The following CDH11 variants were observed in gnomAD, a reference collection of about 807,000 sequenced individuals.
The protein encoded by CDH11 is cadherin 11, also known as cadherin-11.
Under a neutral mutation model 67.8 loss-of-function variants are expected in CDH11, and 11 were observed. That is an observed-to-expected ratio of 0.16 (90% CI 0.10 to 0.27). The LOEUF (loss-of-function observed/expected upper bound fraction) is 0.27. Among genes scored for constraint, CDH11 ranks in the 10% least tolerant of loss-of-function variants. The probability of loss-of-function intolerance (pLI) is 1.00; values close to 1 mark genes in which losing one functional copy is unlikely to be tolerated. For synonymous variants in CDH11, 419 were observed against 400.0 expected (o/e 1.05, Z -0.57); for missense variants, 847 against 1,031.2 (o/e 0.82, Z 2.45).
At chr16:65,054,093 G>T (rs1023475793) in intron 1 of CDH11, among the ~76,000 whole-genome samples, 165 bp from the exon 2 acceptor site, 1 of 152,152 alleles carries the variant, frequency 6.6e-6, no homozygotes, top group Non-Finnish European at 1.5e-5. Context: ...TGAAAAGTGG[G>T]AAAAACTTGT....
At position 64,945,930 on chromosome 16, in the gene CDH11, G is replaced by T; in HGVS notation, c.*1673C>A. The T allele has an allele frequency of 1.9e-6, 2 of 1,058,716 alleles. No individual in the cohort carries two copies. Among genetic ancestry groups the T allele is most frequent in the Non-Finnish European group, 2.3e-6 (2 of 875,212 alleles). The allele number at this position is 1,058,716 out of a possible 1,614,324, so 65.6% of individuals were successfully genotyped here. On this transcript the variant is annotated 3_prime_UTR_variant, in exon 13 of 13. Transcript: ENST00000268603. ...GAAAGAGGGAAAGCACTTGCAGTGT[G>T]ACTTTATGTGGTCTTTCCCCAAGTA...
In CDH11 at chr16:65,121,663, T is replaced by C. The variant is rs2075333208; in HGVS notation, c.-298+217A>G. ...ACATCTGAAGCCTCCGTCCCCTGCT[T>C]TGCCCGCGCCCACAGCTGGCTCCCT... On this transcript the variant is annotated intron_variant, in intron 1 of 12. Transcript: ENST00000268603. This position sits in a 1 kb window ranked among gnomAD's most constrained non-coding sequence, Gnocchi z 4.1. 6.6e-6 allele frequency among the ~76,000 whole-genome samples: 1 copy of C among 152,172 alleles called. No individual in the cohort carries two copies. Among genetic ancestry groups the C allele is most frequent in the Non-Finnish European group, 1.5e-5 (1 of 68,014 alleles).
intron 1 of CDH11, among the ~76,000 whole-genome samples, chr16:65,090,016 C>T (rs1365946290): frequency 6.6e-6 from 1 of 151,976 alleles, no homozygotes; most frequent in Non-Finnish European, 1.5e-5. Context: ...TTTTGGCTCC[C>T]CCTAAGTTGT....
chr16:64,991,503 G>A, intron 6 of CDH11: 1 of 416,554 alleles, frequency 2.4e-6, no homozygotes, highest in East Asian at 3.6e-5. Context: ...CTACTACCAA[G>A]CAAAATACTT....
At chr16:65,052,176 C>T (rs771054950) in intron 2 of CDH11, among the ~76,000 whole-genome samples, 1 of 152,126 alleles carries the variant, frequency 6.6e-6, no homozygotes, top group Non-Finnish European at 1.5e-5. Context: ...TATTCATTTG[C>T]TTAGTAAGTA....
upstream of CDH11, among the ~76,000 whole-genome samples, chr16:65,123,038 G>C (rs1275281244): frequency 6.6e-6 from 1 of 152,146 alleles, no homozygotes; most frequent in African/African-American, 2.4e-5. Context: ...CTGACGACTC[G>C]CTACCGTGAG....
At chr16:65,040,519 A>G (rs1234994459) in intron 2 of CDH11, among the ~76,000 whole-genome samples, 1 of 151,446 alleles carries the variant, frequency 6.6e-6, no homozygotes, top group East Asian at 2.0e-4. Flanking sequence ...GAACACATGG[A>G]CACAGGAAGG....
At chr16:64,979,124 A>G (rs999384654) in intron 8 of CDH11, among the ~76,000 whole-genome samples, 2 of 152,348 alleles carry the variant, frequency 1.3e-5, no homozygotes, top group East Asian at 1.9e-4. Flanking sequence ...TATTTCTCCC[A>G]AGAAGACATA....
upstream of CDH11, chr16:65,122,371 G>C: frequency 4.6e-6 from 1 of 217,288 alleles, no homozygotes; most frequent in Non-Finnish European, 9.2e-6. Context: ...AGTCTGGAGC[G>C]ACTGAAGTTG....
chr16:64,979,433 T>C (rs373160659), intron 8 of CDH11, among the ~76,000 whole-genome samples: 173 of 151,758 alleles, frequency 1.1e-3, no homozygotes, highest in African/African-American at 3.8e-3. Context: ...GGCGACAGAG[T>C]GAAACTATGT....
In CDH11 at chr16:64,946,340, C is replaced by G; in HGVS notation, c.*1263G>C. ...AATTTATATTTTTGACTCTAGTCCC[C>G]CAGTTCCCCAGTGCTCAGTGTGGGG... On this transcript the variant is annotated 3_prime_UTR_variant, in exon 13 of 13. Transcript: ENST00000268603. The G allele has an allele frequency of 1.9e-6, 2 of 1,038,696 alleles. No individual in the cohort carries two copies. Among genetic ancestry groups the G allele is most frequent in the Non-Finnish European group, 2.3e-6 (2 of 863,098 alleles). The allele number at this position is 1,038,696 out of a possible 1,614,324, so 64.3% of individuals were successfully genotyped here.
chr16:65,026,624 T>C (rs1349291226), intron 2 of CDH11, among the ~76,000 whole-genome samples: 1 of 152,146 alleles, frequency 6.6e-6, no homozygotes, highest in Admixed American at 6.5e-5. Context: ...GTTCCTGGAA[T>C]TTTTAGAGTA....
chr16:64,965,741 C>T (rs934321492), intron 11 of CDH11, among the ~76,000 whole-genome samples: 19 of 150,996 alleles, frequency 1.3e-4, no homozygotes, highest in African/African-American at 4.2e-4. Context: ...TGGTCTGCTG[C>T]TGTCCAAGAC....
intron 1 of CDH11, among the ~76,000 whole-genome samples, chr16:65,119,662 G>A (rs2075293472): frequency 6.6e-6 from 1 of 152,204 alleles, no homozygotes; most frequent in Non-Finnish European, 1.5e-5. Flanking sequence ...TCCCAGGGGT[G>A]AGGAGGGTGG....
chr16:65,060,994 C>T (rs1264163597), intron 1 of CDH11, among the ~76,000 whole-genome samples: 1 of 152,204 alleles, frequency 6.6e-6, no homozygotes, highest in East Asian at 1.9e-4. Flanking sequence ...CTGTGCTTCT[C>T]TGCATCTGAC....
At chr16:65,020,377 T>TG (rs1303869043) in intron 2 of CDH11, among the ~76,000 whole-genome samples, 1 of 152,240 alleles carries the variant, frequency 6.6e-6, no homozygotes, top group Non-Finnish European at 1.5e-5. Flanking sequence ...TTGCCCAGGC[T>TG]GAAGTGCAGT....
In CDH11 at chr16:65,054,278, C is replaced by T. The variant is rs1378379395; in HGVS notation, c.-297-350G>A. 2.0e-5 allele frequency among the ~76,000 whole-genome samples: 3 copies of T among 152,154 alleles called. No homozygotes were observed. In the East Asian group the frequency reaches 5.8e-4, roughly 29 times the overall value. ...TGGGGGAAGGTATGAAAACTTAGAG[C>T]CCATTTCTGATAGAACCTATGTTCC... On this transcript the variant is annotated intron_variant, in intron 1 of 12. Transcript: ENST00000268603.
At chr16:65,045,143 C>T (rs2073932943) in intron 2 of CDH11, among the ~76,000 whole-genome samples, 2 of 151,336 alleles carry the variant, frequency 1.3e-5, no homozygotes, top group Non-Finnish European at 1.5e-5. Context: ...TCACCATCCC[C>T]CTAGGTCCAT....
intron 3 of CDH11, among the ~76,000 whole-genome samples, chr16:65,001,777 C>G (rs1246233107): frequency 6.7e-6 from 1 of 150,052 alleles, no homozygotes; most frequent in African/African-American, 2.4e-5. Context: ...AGGCTCCACA[C>G]ACACACAGAC....
Sources: allele counts gnomAD v4.1 joint callset (sites outside exome capture counted in the v4.1 genomes callset), GRCh38; gene constraint gnomAD v4.1.1; non-coding constraint Gnocchi (gnomAD v3.1); transcripts MANE v1.5; gene names NCBI Gene and HGNC (gene_info 2026-07-23, HGNC 2026-07-21).